The following COL1A2 variants were observed in gnomAD, a reference collection of about 807,000 sequenced individuals.
COL1A2 encodes the protein collagen type I alpha 2 chain, also known as collagen alpha-2(I) chain.
A neutral mutation model predicts 174.3 loss-of-function variants in COL1A2; 49 were observed. The observed-to-expected ratio is 0.28, with a 90% confidence interval of 0.22 to 0.36. The LOEUF (loss-of-function observed/expected upper bound fraction) is 0.36, where lower values mean the gene tolerates loss of function less well. Among genes scored for constraint, COL1A2 ranks in the 10% least tolerant of loss-of-function variants. The pLI is 1.00. For synonymous variants in COL1A2, 655 were observed against 606.6 expected (o/e 1.08, Z -1.17); for missense variants, 1,438 against 1,822.7 (o/e 0.79, Z 3.84).
At chr7:94,422,804 A>G in intron 39 of COL1A2, 153 bp from the exon 40 acceptor site, 4 of 964,312 alleles carry the variant, frequency 4.1e-6, no homozygotes, top group Non-Finnish European at 6.4e-6. Flanking sequence ...TGCAAGAAAG[A>G]AGGTTAAAAA....
At chr7:94,426,093 G>T (rs1792272516) in intron 45 of COL1A2, 42 bp downstream of exon 45, 1 of 1,535,672 alleles carries the variant, frequency 6.5e-7, no homozygotes, top group African/African-American at 1.4e-5. Context: ...CTAACATTTA[G>T]AGAGAATCAG....
At chr7:94,413,778 C>T in intron 27 of COL1A2, 35 bp downstream of exon 27, 1 of 1,612,796 alleles carries the variant, frequency 6.2e-7, no homozygotes, top group South Asian at 1.1e-5. Context: ...CTCTTCTGCA[C>T]TAGAATGTAT....
intron 39 of COL1A2, chr7:94,422,178 A>C (rs1792178299): frequency 4.9e-6 from 2 of 408,868 alleles, no homozygotes; most frequent in African/African-American, 2.2e-5. Context: ...GTCCCCTTTC[A>C]GGGGCATGGT....
chr7:94,423,528 C>G, intron 40 of COL1A2: 1 of 179,318 alleles, frequency 5.6e-6, no homozygotes, highest in Non-Finnish European at 1.2e-5. Flanking sequence ...AGGCCAAAGT[C>G]AAAATTTGCT....
chr7:94,418,216 G>A (rs569168616), intron 32 of COL1A2, among the ~76,000 whole-genome samples: 1 of 152,294 alleles, frequency 6.6e-6, no homozygotes, highest in South Asian at 2.1e-4. Context: ...TTACAATTCT[G>A]TCCACATGAA....
At chr7:94,420,777 T>C (rs917271064) in intron 37 of COL1A2, 129 bp downstream of exon 37, 38 of 980,308 alleles carry the variant, frequency 3.9e-5, no homozygotes, top group Non-Finnish European at 5.6e-5. Context: ...AACGGAAGGA[T>C]TAACATTTGC....
intron 37 of COL1A2, 42 bp from the exon 38 acceptor site, chr7:94,420,967 G>C (rs1268360412): frequency 6.3e-7 from 1 of 1,583,746 alleles, no homozygotes; most frequent in South Asian, 1.1e-5. Flanking sequence ...CATTTACAAG[G>C]GTTTGTTTGT....
chr7:94,410,423 T>G lies in COL1A2; in HGVS notation c.1093T>G (p.Ser365Ala). ...TTTTGTTCTTTTCATTAAACAGGGC[T>G]CTGCTGGGCCCCAAGGTCCTCCTGG... ...GESGNKGEPG[S>A]AGPQGPPGPS... is the part of the protein sequence containing the mutation. Residue 365 changes from serine (S) to alanine (A), a missense_variant, in exon 21 of 52, where the codon TCT (serine) becomes GCT (alanine). Ser to Ala is a moderately conservative substitution (Grantham distance 99, BLOSUM62 1). Around this residue, in one of 3 missense-constraint regions of COL1A2, gnomAD observed 867 missense variants for 1,213.7 expected, o/e 0.71. Coordinates refer to ENST00000297268, the MANE Select transcript of COL1A2 (RefSeq NM_000089.4). The G allele has an allele frequency of 6.4e-7, 1 of 1,552,124 alleles. No homozygotes were observed. The highest frequency in any genetic ancestry group is 8.7e-7 in the Non-Finnish European group (1 of 1,147,522).
intron 39 of COL1A2, among the ~76,000 whole-genome samples, chr7:94,422,260 C>T (rs920663328): frequency 2.7e-5 from 4 of 150,294 alleles, no homozygotes; most frequent in African/African-American, 9.7e-5. Flanking sequence ...ATCTAATTAT[C>T]CTTTATGGCT....
At chr7:94,400,100 A>G in intron 4 of COL1A2, 96 bp from the exon 5 acceptor site, 1 of 1,090,702 alleles carries the variant, frequency 9.2e-7, no homozygotes, top group Non-Finnish European at 1.4e-6. Flanking sequence ...CCCTACTTGC[A>G]CATAGAAAGG....
Position 94,401,598 on chromosome 7 carries a change from TTGGACTTGGCCC to T in COL1A2, c.263_274del (p.Leu88_Gly91del). On this transcript the variant is annotated inframe_deletion, in exon 6 of 52. Transcript: ENST00000297268. Reference sequence around the variant, plus strand: ...GCTGCTCAGTATGATGGAAAAGGAGTTGGACTTGGCCCTGGACCAATGGTATGCTTATCTGTT... The same window carrying T: ...GCTGCTCAGTATGATGGAAAAGGAGTTGGACCAATGGTATGCTTATCTGTT... 6.3e-7 allele frequency: 1 copy of T among 1,576,846 alleles called. No individual in the cohort carries two copies. Among genetic ancestry groups the T allele is most frequent in the Non-Finnish European group, 8.6e-7 (1 of 1,159,570 alleles).
chr7:94,404,086 TC>T (rs1217658388), intron 6 of COL1A2, among the ~76,000 whole-genome samples: 2 of 152,224 alleles, frequency 1.3e-5, no homozygotes, highest in African/African-American at 4.8e-5. Flanking sequence ...TTCTCTCTAA[TC>T]ATTAAGAAGG....
At chr7:94,418,398 G>A in intron 32 of COL1A2, 101 bp from the exon 33 acceptor site, 1 of 866,220 alleles carries the variant, frequency 1.2e-6, no homozygotes, top group Non-Finnish European at 1.9e-6. Context: ...ATGACTGAAG[G>A]TATCATAGCA....
rs111987633 is a variant in COL1A2 at position 94,412,309 on chromosome 7, G to A, written c.1404+188G>A. Among the ~76,000 whole-genome samples the A allele has an allele frequency of 6.0e-3, 914 of 151,914 alleles. 8 individuals carry two copies. Among genetic ancestry groups the A allele is most frequent in the African/African-American group, 0.021 (873 of 41,426 alleles). Reference sequence around the variant, plus strand: ...GAATACAGGACTGAAAGCAGAGCAGGGGAGAGAAAAACATGGCAGGGAAAA... The same window carrying A: ...GAATACAGGACTGAAAGCAGAGCAGAGGAGAGAAAAACATGGCAGGGAAAA... On this transcript the variant is annotated intron_variant, in intron 24 of 51. Coordinates refer to ENST00000297268, the MANE Select transcript of COL1A2 (RefSeq NM_000089.4).
intron 48 of COL1A2, 163 bp downstream of exon 48, chr7:94,427,458 C>A: frequency 1.9e-6 from 2 of 1,059,248 alleles, no homozygotes; most frequent in Non-Finnish European, 2.8e-6. Flanking sequence ...TTGTTAAGTC[C>A]ATCCCTGCAA....
At chr7:94,430,020 G>GT in intron 51 of COL1A2, 1 of 572,896 alleles carries the variant, frequency 1.7e-6, no homozygotes, top group Non-Finnish European at 3.1e-6. Context: ...AATGTTGTTG[G>GT]TTTTTTTGGT....
intron 3 of COL1A2, 79 bp downstream of exon 3, chr7:94,398,475 A>T (rs1584312408): frequency 3.3e-6 from 2 of 602,032 alleles, no homozygotes; most frequent in East Asian, 9.6e-5. Flanking sequence ...AGTAGACTAT[A>T]GAAGGAAAAT....
At chr7:94,413,000 T>G in intron 25 of COL1A2, 83 bp from the exon 26 acceptor site, 1 of 1,354,078 alleles carries the variant, frequency 7.4e-7, no homozygotes, top group African/African-American at 1.4e-5. Flanking sequence ...ACAAGCAGGA[T>G]TCAACATTGC....
chr7:94,407,389 A>G (rs973476168), intron 12 of COL1A2, among the ~76,000 whole-genome samples: 6 of 152,072 alleles, frequency 3.9e-5, no homozygotes, highest in Non-Finnish European at 8.8e-5. Flanking sequence ...GGATAAGAAT[A>G]TAGATTGGAA....
Sources: allele counts gnomAD v4.1 joint callset (sites outside exome capture counted in the v4.1 genomes callset), GRCh38; gene constraint gnomAD v4.1.1; regional missense constraint gnomAD v4.1.1; transcripts MANE v1.5; gene names NCBI Gene and HGNC (gene_info 2026-07-23, HGNC 2026-07-21).